ZFP92: variants seen among roughly 807,000 people sequenced by gnomAD.
The protein encoded by ZFP92 is zinc finger protein 92 homolog.
ZFP92 carries 2 observed loss-of-function variants against 7.6 expected under a neutral mutation model. That is an observed-to-expected ratio of 0.26 (90% confidence interval 0.11 to 0.83). The LOEUF (loss-of-function observed/expected upper bound fraction) is 0.83, where lower values mean the gene tolerates loss of function less well. ZFP92 is among the 40% of genes least tolerant of loss of function. ZFP92 has a pLI of 0.65. For missense variants in ZFP92, 324 were observed against 408.3 expected, an observed-to-expected ratio of 0.79 and a Z score of 1.78; for synonymous variants, 226 against 183.6, an observed-to-expected ratio of 1.23 and a Z score of -1.87.
At position 153,418,336 on chromosome X, in the gene ZFP92, T is replaced by C; in HGVS notation, c.14T>C (p.Leu5Pro). Residue 5 changes from leucine (L) to proline (P), a missense_variant, in exon 3 of 6, where the codon CTC becomes CCC. By Grantham distance (98) the Leu-to-Pro change is moderately conservative (BLOSUM62 -3). Transcript: ENST00000338647. ...TGCGCCCTGGTGATGGCAGCCATTC[T>C]CCTGACCACGAGACCCAAGGTGAGT... The part of the protein sequence containing the change: MAAI[L>P]LTTRPKVPVS... The C allele has an allele frequency of 8.6e-7, 1 of 1,167,717 alleles. No homozygotes were observed.
At chrX:153,412,865 G>A (rs2088919989) in intron 2 of ZFP92, among the ~76,000 whole-genome samples, 1 of 112,238 alleles carries the variant, frequency 8.9e-6, no homozygotes, top group African/African-American at 3.2e-5. Flanking sequence ...ATCCCTCAGC[G>A]AGCAGCCTGG....
At chrX:153,420,193 T>C (rs1556974623) in intron 4 of ZFP92, 35 bp from the exon 5 acceptor site, 6 of 1,095,861 alleles carry the variant, frequency 5.5e-6, no homozygotes, top group Non-Finnish European at 7.4e-6. Flanking sequence ...CCCTCAGCCA[T>C]AGTGGTCTTG....
At chrX:153,416,472 C>T (rs1358631845) in intron 2 of ZFP92, among the ~76,000 whole-genome samples, 11 of 111,629 alleles carry the variant, frequency 9.9e-5, no homozygotes, top group African/African-American at 3.6e-4. Context: ...GACTTTGGAG[C>T]AATTTAAATG....
In ZFP92 at chrX:153,422,288, G is replaced by A. The variant is rs1260567838; in HGVS notation, c.*660G>A. ...CTCCCTGAATGTTGGCATAGGATGG[G>A]GGGCTGTGCCAGAAAACTCCCGCCT... is the stretch of plus-strand genomic sequence containing the variant. On this transcript the variant is annotated 3_prime_UTR_variant, in exon 6 of 6. Transcript: ENST00000338647. The A allele has an allele frequency of 8.9e-6, 1 of 111,937 alleles. No individual in the cohort carries two copies. Among genetic ancestry groups the A allele is most frequent in the African/African-American group, 3.2e-5 (1 of 30,881 alleles). The allele number at this position is 111,937 out of a possible 1,213,427, so 9.2% of individuals were successfully genotyped here.
chrX:153,416,152 C>T (rs1190895918), intron 2 of ZFP92, among the ~76,000 whole-genome samples: 6 of 111,282 alleles, frequency 5.4e-5, no homozygotes, highest in African/African-American at 2.0e-4. Flanking sequence ...GTCATCTATT[C>T]CCAAGGGCCT....
Position 153,421,049 on chromosome X carries a change from C to T in ZFP92, c.672C>T (p.Ile224=). The T allele has an allele frequency of 8.4e-7, 1 of 1,195,733 alleles. No homozygotes were observed. Among genetic ancestry groups the T allele is most frequent in the Non-Finnish European group, 1.1e-6 (1 of 887,180 alleles). ...SKTFTRSSNL[I]KHQVIHSGER... ...CCTTCACGCGCAGCTCCAACCTCAT[C>T]AAGCACCAGGTCATCCACAGCGGCG... The change falls in exon 6 of 6, where the codon ATC becomes ATT. Residue 224 remains isoleucine (I), a synonymous_variant. Coordinates refer to ENST00000338647, the MANE Select transcript of ZFP92 (RefSeq NM_001136273.2).
rs2124300925 is a variant in ZFP92 at position 153,421,889 on chromosome X, T to G, written c.*261T>G. The G allele has an allele frequency of 4.3e-6, 1 of 234,623 alleles. No individual in the cohort carries two copies. The highest frequency in any genetic ancestry group is 8.8e-5 in the East Asian group (1 of 11,382). The allele number at this position is 234,623 out of a possible 1,213,427, so 19.3% of individuals were successfully genotyped here. A position where few individuals can be genotyped will look rare whatever the true frequency, so the allele number is the denominator to read the frequency against. On this transcript the variant is annotated 3_prime_UTR_variant, in exon 6 of 6. Coordinates refer to ENST00000338647, the MANE Select transcript of ZFP92 (RefSeq NM_001136273.2). ...CAGTGCGGGCTGGGAATGGAGGCCC[T>G]CTACTCCCTCCTGAGTCCTGGGCCT...
intron 5 of ZFP92, 72 bp downstream of exon 5, chrX:153,420,404 G>A: frequency 2.0e-6 from 2 of 990,404 alleles, no homozygotes; most frequent in Non-Finnish European, 2.7e-6. Context: ...GGGCGGGGGA[G>A]GGTACCCTGC....
Position 153,420,346 on chromosome X carries a change from G to C in ZFP92, c.265+14G>C. 8.8e-7 allele frequency: 1 copy of C among 1,133,584 alleles called. No homozygotes were observed. The highest frequency in any genetic ancestry group is 1.2e-6 in the Non-Finnish European group (1 of 847,362). The allele number at this position is 1,133,584 out of a possible 1,213,427, so 93.4% of individuals were successfully genotyped here. On this transcript the variant is annotated intron_variant, in intron 5 of 5. Transcript: ENST00000338647. Reference sequence around the variant, plus strand: ...GATTGCACATAGGTGAGTGAGAGGTGCTCAACCAGCTCCCCATCGGGGTAA... The same window carrying C: ...GATTGCACATAGGTGAGTGAGAGGTCCTCAACCAGCTCCCCATCGGGGTAA...
rs1041920131 is a variant in ZFP92 at position 153,418,886 on chromosome X, G to T, written c.160+87G>T. On this transcript the variant is annotated intron_variant, in intron 4 of 5. Transcript: ENST00000338647. ...TTTATTTCCGAGATTCCTGTTTGTC[G>T]GTTGCTATGAGCCCAAGAATAAATG... 89 of 1,084,418 alleles carry T rather than the reference G, an allele frequency of 8.2e-5. 1 individual carries two copies. Among genetic ancestry groups the T allele is most frequent in the Non-Finnish European group, 2.2e-5 (18 of 820,282 alleles). The allele number at this position is 1,084,418 out of a possible 1,213,427, so 89.4% of individuals were successfully genotyped here. A position where few individuals can be genotyped will look rare whatever the true frequency, so the allele number is the denominator to read the frequency against.
chrX:153,426,046 C>G lies in ZFP92; in HGVS notation c.*4418C>G, dbSNP rs782408390. The G allele has an allele frequency of 9.0e-6, 1 of 111,282 alleles. No individual in the cohort carries two copies. The highest frequency in any genetic ancestry group is 3.3e-5 in the African/African-American group (1 of 30,579). The allele number at this position is 111,282 out of a possible 1,213,427, so 9.2% of individuals were successfully genotyped here. A position where few individuals can be genotyped will look rare whatever the true frequency, so the allele number is the denominator to read the frequency against. ...TATAATGGGCATACAAGAAACTGCA[C>G]GTCTTTAAAGTGTACAGTTGGAGGG... On this transcript the variant is annotated 3_prime_UTR_variant, in exon 6 of 6. Coordinates refer to ENST00000338647, the MANE Select transcript of ZFP92 (RefSeq NM_001136273.2).
chrX:153,426,059 T>C lies in ZFP92; in HGVS notation c.*4431T>C, dbSNP rs2089040822. ...CAAGAAACTGCACGTCTTTAAAGTGTACAGTTGGAGGGTTTTTGGCATGTG... is the reference window on the plus strand; with the variant it reads ...CAAGAAACTGCACGTCTTTAAAGTGCACAGTTGGAGGGTTTTTGGCATGTG... On this transcript the variant is annotated 3_prime_UTR_variant, in exon 6 of 6. Transcript: ENST00000338647. 1.8e-5 allele frequency: 2 copies of C among 111,167 alleles called. No homozygotes were observed. The allele number at this position is 111,167 out of a possible 1,213,427, so 9.2% of individuals were successfully genotyped here.
chrX:153,417,929 G>C (rs1602893695), intron 2 of ZFP92, among the ~76,000 whole-genome samples: 1 of 111,874 alleles, frequency 8.9e-6, no homozygotes, highest in Admixed American at 9.4e-5. Context: ...CACACAGAGA[G>C]AGGATGGCCA....
intron 2 of ZFP92, among the ~76,000 whole-genome samples, chrX:153,415,458 A>G (rs2088943594): frequency 8.9e-6 from 1 of 111,858 alleles, no homozygotes; most frequent in African/African-American, 3.3e-5. Flanking sequence ...ATACTTTTCC[A>G]TTGTATATAT....
At chrX:153,417,128 C>T (rs781854331) in intron 2 of ZFP92, among the ~76,000 whole-genome samples, 2 of 112,558 alleles carry the variant, frequency 1.8e-5, no homozygotes, top group East Asian at 2.8e-4. Context: ...CACTGACTGC[C>T]ATCTGGCATT....
At chrX:153,414,642 C>T (rs1205727486) in intron 2 of ZFP92, among the ~76,000 whole-genome samples, 2 of 112,013 alleles carry the variant, frequency 1.8e-5, no homozygotes, top group Non-Finnish European at 3.8e-5. Flanking sequence ...AGCCACCACG[C>T]CCGGCCAAAT....
At position 153,422,468 on chromosome X, in the gene ZFP92, C is replaced by T. The variant is rs919707959; in HGVS notation, c.*840C>T. 1.4e-4 allele frequency: 16 copies of T among 111,625 alleles called. No homozygotes were observed. The highest frequency in any genetic ancestry group is 5.2e-4 in the African/African-American group (16 of 30,635). The allele number at this position is 111,625 out of a possible 1,213,427, so 9.2% of individuals were successfully genotyped here. On this transcript the variant is annotated 3_prime_UTR_variant, in exon 6 of 6. Coordinates refer to ENST00000338647, the MANE Select transcript of ZFP92 (RefSeq NM_001136273.2). ...CAATTGGACATTTGTAGCTAGCCAC[C>T]CTCCAGGCTTTGCTTTCCCCCCTGC...
At chrX:153,411,886 C>T (rs782328793) in intron 1 of ZFP92, among the ~76,000 whole-genome samples, 79 bp from the exon 2 acceptor site, 1 of 25 alleles carries the variant, frequency 0.04, no homozygotes, top group East Asian at 0.25. Context: ...ACCAGGGGCG[C>T]CAGGGGAAGA....
At position 153,420,292 on chromosome X, in the gene ZFP92, A is replaced by C; in HGVS notation, c.225A>C (p.Ala75=). 1 of 1,167,613 alleles carries C rather than the reference A, an allele frequency of 8.6e-7. No homozygotes were observed. Among genetic ancestry groups the C allele is most frequent in the Non-Finnish European group, 1.1e-6 (1 of 872,867 alleles). Residue 75 remains alanine (A), a synonymous_variant, in exon 5 of 6, where the codon GCA becomes GCC. Transcript: ENST00000338647. ...AACGAGGGGAAGGACCCTGGGTAGCAGACATCCCCAGAACCTGGGCCACCG... is the reference window on the plus strand; with the variant it reads ...AACGAGGGGAAGGACCCTGGGTAGCCGACATCCCCAGAACCTGGGCCACCG... The part of the protein sequence containing the change: ...QLERGEGPWV[A]DIPRTWATAG...
Sources: gnomAD v4.1 joint callset for allele counts (sites outside exome capture counted in the v4.1 genomes callset) on GRCh38, gnomAD v4.1.1 for gene constraint, MANE v1.5 for transcripts, NCBI Gene and HGNC (gene_info 2026-07-23, HGNC 2026-07-21) for gene names.